GNPDA2: variants seen among roughly 807,000 people sequenced by gnomAD.
GNPDA2 encodes the protein glucosamine-6-phosphate deaminase 2, also known as glcN6P deaminase 2.
A neutral mutation model predicts 27.0 loss-of-function variants in GNPDA2; 24 were observed. The observed-to-expected ratio is 0.89, with a 90% CI of 0.64 to 1.25. GNPDA2 has a LOEUF of 1.25. GNPDA2 is among the 50% of genes most tolerant of loss of function. The pLI, the probability that GNPDA2 is intolerant of heterozygous loss-of-function variation, is 0.00. For missense variants in GNPDA2, 286 were observed against 335.1 expected (o/e 0.85, Z 1.14); for synonymous variants, 94 against 108.4 (o/e 0.87, Z 0.83).
At chr4:44,714,957 G>A (rs1206733808) in intron 4 of GNPDA2, among the ~76,000 whole-genome samples, 1 of 152,134 alleles carries the variant, frequency 6.6e-6, no homozygotes, top group Non-Finnish European at 1.5e-5. Context: ...GCGGGGAGGA[G>A]CGGGGAAACA....
chr4:44,723,862 T>G (rs914311449), intron 1 of GNPDA2, among the ~76,000 whole-genome samples: 1 of 152,262 alleles, frequency 6.6e-6, no homozygotes, highest in African/African-American at 2.4e-5. Context: ...TTCTGGGTTT[T>G]AATACTCCTT....
chr4:44,709,681 A>G (rs1358424967), intron 5 of GNPDA2, among the ~76,000 whole-genome samples: 1 of 151,990 alleles, frequency 6.6e-6, no homozygotes, highest in Non-Finnish European at 1.5e-5. Context: ...ATTTACAAAA[A>G]TCTATAAGCT....
intron 6 of GNPDA2, chr4:44,703,574 A>G: frequency 1.0e-6 from 1 of 985,418 alleles, no homozygotes; most frequent in Non-Finnish European, 1.2e-6. Context: ...TACCCTATCC[A>G]TTCGTCTGGT....
In GNPDA2 at chr4:44,701,834, A is replaced by T. The variant is rs1716285139; in HGVS notation, c.*1247T>A. On this transcript the variant is annotated 3_prime_UTR_variant, in exon 7 of 7. Coordinates refer to ENST00000295448, the MANE Select transcript of GNPDA2 (RefSeq NM_138335.3). ...GAATTAAAGCAGCATAATTTACCCC[A>T]TCCCCCACTTTTAACCATAAAACCC... 1.0e-6 allele frequency: 1 copy of T among 984,270 alleles called. No individual in the cohort carries two copies. The highest frequency in any genetic ancestry group is 6.2e-5 in the Admixed American group (1 of 16,246). The allele number at this position is 984,270 out of a possible 1,614,324, so 61.0% of individuals were successfully genotyped here. A position where few individuals can be genotyped will look rare whatever the true frequency, so the allele number is the denominator to read the frequency against.
chr4:44,722,423 C>A (rs1717733529), intron 1 of GNPDA2, among the ~76,000 whole-genome samples, 181 bp from the exon 2 acceptor site: 1 of 152,136 alleles, frequency 6.6e-6, no homozygotes, highest in African/African-American at 2.4e-5. Context: ...ATAGTAATAG[C>A]TGTTCTCTTT....
intron 4 of GNPDA2, among the ~76,000 whole-genome samples, chr4:44,715,132 C>G (rs1450987394): frequency 6.6e-6 from 1 of 151,984 alleles, no homozygotes; most frequent in African/African-American, 2.4e-5. Flanking sequence ...AAAAAATTAG[C>G]TGAAAAGAAG....
rs1257319934 is a variant in GNPDA2 at position 44,702,315 on chromosome 4, C to A, written c.*766G>T. 7 of 701,688 alleles carry A rather than the reference C, an allele frequency of 1.0e-5. No individual in the cohort carries two copies. The highest frequency in any genetic ancestry group is 6.3e-5 in the Admixed American group (1 of 15,880). The allele number at this position is 701,688 out of a possible 1,614,324, so 43.5% of individuals were successfully genotyped here. A position where few individuals can be genotyped will look rare whatever the true frequency, so the allele number is the denominator to read the frequency against. ...AAAGCTAATTGTATATTAAGTTTAA[C>A]AATAATCAGAAAATATTCTCCAAAA... On this transcript the variant is annotated 3_prime_UTR_variant, in exon 7 of 7. Coordinates refer to ENST00000295448, the MANE Select transcript of GNPDA2 (RefSeq NM_138335.3).
At position 44,704,681 on chromosome 4, in the gene GNPDA2, CAG is replaced by C. The variant is rs555216870; in HGVS notation, c.770-1541_770-1540del. On this transcript the variant is annotated intron_variant, in intron 6 of 6. Coordinates refer to ENST00000295448, the MANE Select transcript of GNPDA2 (RefSeq NM_138335.3). ...ATAAATAATTGCTACTTAAGTCAAA[CAG>C]AAATAATTCTTCTGATAAAAATGCA... The C allele has an allele frequency of 1.0e-4, 100 of 953,678 alleles. No individual in the cohort carries two copies. The Middle Eastern group carries it at 2.1e-3, about 20-fold the overall frequency. The allele number at this position is 953,678 out of a possible 1,614,324, so 59.1% of individuals were successfully genotyped here.
At position 44,718,301 on chromosome 4, in the gene GNPDA2, T is replaced by C. The variant is rs1236223345; in HGVS notation, c.226+8A>G. The C allele has an allele frequency of 3.8e-6, 4 of 1,062,928 alleles. No individual in the cohort carries two copies. The highest frequency in any genetic ancestry group is 2.7e-5 in the East Asian group (1 of 37,602). The allele number at this position is 1,062,928 out of a possible 1,614,324, so 65.8% of individuals were successfully genotyped here. ...AAATAATGGTCAATATATTTAAGTATAGCTTACCTACATATTCATCCATAT... is the reference window on the plus strand; with the variant it reads ...AAATAATGGTCAATATATTTAAGTACAGCTTACCTACATATTCATCCATAT... On this transcript the variant is annotated splice_region_variant and intron_variant, in intron 3 of 6. Coordinates refer to ENST00000295448, the MANE Select transcript of GNPDA2 (RefSeq NM_138335.3).
At chr4:44,719,799 A>G (rs1012384811) in intron 2 of GNPDA2, among the ~76,000 whole-genome samples, 2 of 152,074 alleles carry the variant, frequency 1.3e-5, no homozygotes, top group African/African-American at 2.4e-5. Flanking sequence ...AAGAAAAAAA[A>G]AGAACTGGTT....
At chr4:44,708,154 G>A (rs1202770871) in intron 5 of GNPDA2, among the ~76,000 whole-genome samples, 1 of 152,026 alleles carries the variant, frequency 6.6e-6, no homozygotes, top group Non-Finnish European at 1.5e-5. Flanking sequence ...GGTTATTAAT[G>A]CAAACACTAT....
chr4:44,704,813 C>T (rs1716487074), intron 6 of GNPDA2: 1 of 983,136 alleles, frequency 1.0e-6, no homozygotes, highest in Non-Finnish European at 1.2e-6. Flanking sequence ...TGAACTCATT[C>T]TACCTTTGTC....
rs1362717014 is a variant in GNPDA2, at chr4:44,711,029, T to TATTTGGC, written c.511_517dup (p.Tyr173CysfsTer5). 1 of 1,613,410 alleles carries TATTTGGC rather than the reference T, an allele frequency of 6.2e-7. No individual in the cohort carries two copies. Among genetic ancestry groups the TATTTGGC allele is most frequent in the Non-Finnish European group, 8.5e-7 (1 of 1,179,688 alleles). On this transcript the variant is annotated frameshift_variant, in exon 5 of 7. Coordinates refer to ENST00000295448, the MANE Select transcript of GNPDA2 (RefSeq NM_138335.3). LOFTEE classifies it high-confidence loss of function. Reference sequence around the variant, plus strand: ...CACTTTTGATAAATCTCCATCAAAATATTTGGCATTTGCCAAGATGGTATC... The same window carrying TATTTGGC: ...CACTTTTGATAAATCTCCATCAAAATATTTGGCATTTGGCATTTGCCAAGATGGTATC...
intron 1 of GNPDA2, among the ~76,000 whole-genome samples, chr4:44,723,405 C>T (rs1391616326): frequency 3.3e-5 from 5 of 152,116 alleles, no homozygotes; most frequent in Admixed American, 6.5e-5. Flanking sequence ...ACTCCTACTC[C>T]CCAACCCTTC....
intron 6 of GNPDA2, 52 bp downstream of exon 6, chr4:44,707,700 A>G: frequency 6.6e-7 from 1 of 1,504,454 alleles, no homozygotes; most frequent in Non-Finnish European, 9.2e-7. Context: ...GTAAGTTTTA[A>G]TTGTCACTCA....
At chr4:44,720,799 C>A (rs764513824) in intron 2 of GNPDA2, among the ~76,000 whole-genome samples, 2 of 151,988 alleles carry the variant, frequency 1.3e-5, no homozygotes, top group Non-Finnish European at 2.9e-5. Context: ...AGTTATACTA[C>A]CCAAAATAAA....
intron 4 of GNPDA2, among the ~76,000 whole-genome samples, chr4:44,712,845 A>ATTT (rs1410920882): frequency 6.6e-6 from 1 of 152,120 alleles, no homozygotes; most frequent in East Asian, 1.9e-4. Flanking sequence ...ATATAAAATT[A>ATTT]TTTTTTTAAA....
intron 6 of GNPDA2, chr4:44,704,891 A>G (rs1716493444): frequency 1.0e-6 from 1 of 983,382 alleles, no homozygotes; most frequent in South Asian, 4.7e-5. Context: ...GTCATATACT[A>G]AAAATCAAAG....
intron 6 of GNPDA2, chr4:44,705,155 G>C: frequency 1.0e-6 from 1 of 984,498 alleles, no homozygotes; most frequent in South Asian, 4.7e-5. Flanking sequence ...AGAAGAAAGG[G>C]TAGTGATGTG....
Sources: allele counts gnomAD v4.1 joint callset (sites outside exome capture counted in the v4.1 genomes callset), GRCh38; gene constraint gnomAD v4.1.1; transcripts MANE v1.5; gene names NCBI Gene and HGNC (gene_info 2026-07-23, HGNC 2026-07-21).